TTLL7: variants seen among roughly 807,000 people sequenced by gnomAD.
The protein encoded by TTLL7 is tubulin polyglutamylase TTLL7.
In TTLL7, 53 loss-of-function variants were observed where a neutral mutation model predicts 120.2. The ratio of observed to expected loss-of-function variants is 0.44; its 90% CI spans 0.35 to 0.55. The LOEUF (loss-of-function observed/expected upper bound fraction) is 0.55, where lower values mean the gene tolerates loss of function less well. Among genes scored for constraint, TTLL7 ranks in the 20% least tolerant of loss-of-function variants. TTLL7 has a pLI of 0.00. For synonymous variants in TTLL7, 353 were observed against 351.7 expected, an observed-to-expected ratio of 1.00 and a Z score of -0.04; for missense variants, 803 against 1,054.7, an observed-to-expected ratio of 0.76 and a Z score of 3.31.
intron 16 of TTLL7, chr1:83,906,664 C>T: frequency 1.6e-6 from 1 of 618,128 alleles, no homozygotes; most frequent in Non-Finnish European, 2.7e-6. Flanking sequence ...CACACTTCCA[C>T]AAGGTTATAC....
chr1:83,938,053 G>T, intron 7 of TTLL7, 37 bp from the exon 8 acceptor site: 1 of 1,606,320 alleles, frequency 6.2e-7, no homozygotes, highest in South Asian at 1.1e-5. Flanking sequence ...TACCACCTAT[G>T]ACATCCTAGA....
Position 83,951,981 on chromosome 1 carries a change from A to C in TTLL7, c.26-5T>G. 1 of 1,597,876 alleles carries C rather than the reference A, an allele frequency of 6.3e-7. No individual in the cohort carries two copies. Among genetic ancestry groups the C allele is most frequent in the East Asian group, 2.2e-5 (1 of 44,676 alleles). ...GGGGAGAGGGTCCCTGAATAACTTT[A>C]AAAAAATGTAAAATAATCAGATAAC... On this transcript the variant is annotated splice_polypyrimidine_tract_variant and splice_region_variant and intron_variant, in intron 2 of 20. Coordinates refer to ENST00000260505, the MANE Select transcript of TTLL7 (RefSeq NM_024686.6).
intron 1 of TTLL7, among the ~76,000 whole-genome samples, chr1:83,998,416 G>C (rs1315942222): frequency 2.6e-5 from 4 of 152,128 alleles, no homozygotes; most frequent in Non-Finnish European, 5.9e-5. Flanking sequence ...TGATATAAGT[G>C]GATGATGGCA....
At chr1:83,968,754 G>A (rs1650712014) in intron 1 of TTLL7, among the ~76,000 whole-genome samples, 2 of 151,978 alleles carry the variant, frequency 1.3e-5, no homozygotes, top group South Asian at 4.1e-4. Flanking sequence ...ATCTAAATCT[G>A]TATTATTGTC....
chr1:83,960,081 A>C (rs1649884496), intron 1 of TTLL7, among the ~76,000 whole-genome samples: 1 of 152,186 alleles, frequency 6.6e-6, no homozygotes, highest in South Asian at 2.1e-4. Flanking sequence ...ATAAAGAATA[A>C]ATACGCAATT....
intron 8 of TTLL7, 131 bp downstream of exon 8, chr1:83,937,721 T>G: frequency 9.9e-7 from 1 of 1,012,432 alleles, no homozygotes; most frequent in Non-Finnish European, 1.5e-6. Context: ...TGATCTGATT[T>G]TTTTCTCTCT....
intron 1 of TTLL7, among the ~76,000 whole-genome samples, chr1:83,982,008 A>G (rs546202589): frequency 3.9e-5 from 6 of 152,306 alleles, no homozygotes; most frequent in African/African-American, 1.4e-4. Context: ...GTGCCCATAC[A>G]GCACTCACCA....
chr1:83,895,685 C>T (rs1251518283), intron 18 of TTLL7, among the ~76,000 whole-genome samples: 1 of 152,056 alleles, frequency 6.6e-6, no homozygotes, highest in Non-Finnish European at 1.5e-5. Flanking sequence ...AACTCAGGCA[C>T]AAAGCAGATA....
In TTLL7 at chr1:83,907,625, A is replaced by T; in HGVS notation, c.1823T>A (p.Ile608Asn). 5.0e-6 allele frequency: 8 copies of T among 1,613,160 alleles called. No individual in the cohort carries two copies. The highest frequency in any genetic ancestry group is 6.8e-6 in the Non-Finnish European group (8 of 1,179,478). Residue 608 changes from isoleucine (I) to asparagine (N), a missense_variant, in exon 16 of 21, where the codon ATC becomes AAC. By Grantham distance (149) the Ile-to-Asn change is moderately radical. This residue lies in a region of TTLL7 where 388 missense variants were observed against 450.4 expected (regional missense o/e 0.86). Transcript: ENST00000260505. ...CCCACTGGAAGGTGATTGAGCAGAG[A>T]TGGACCGAGGGCAGCTGACTGAACG... is the stretch of plus-strand genomic sequence containing the variant. ...IRRSVSCPRS[I>N]SAQSPSSGDT...
At chr1:83,892,400 A>G (rs1480312845) in intron 18 of TTLL7, among the ~76,000 whole-genome samples, 1 of 135,496 alleles carries the variant, frequency 7.4e-6, no homozygotes, top group Non-Finnish European at 1.6e-5. Flanking sequence ...ACGAATATAT[A>G]TGAACATATA....
rs1428807389 is a variant in TTLL7, at chr1:83,982,405, CTT to C, written c.-177+16524_-177+16525del. On this transcript the variant is annotated intron_variant, in intron 1 of 20. Coordinates refer to ENST00000260505, the MANE Select transcript of TTLL7 (RefSeq NM_024686.6). ...AAATCCAAAGTAGACAGAAAAAAAACTTATATAAATATAAGAAATCAATGAAA... is the reference window on the plus strand; with the variant it reads ...AAATCCAAAGTAGACAGAAAAAAAACATATAAATATAAGAAATCAATGAAA... Among the ~76,000 whole-genome samples, 3 of 151,776 alleles carry C rather than the reference CTT, an allele frequency of 2.0e-5. No homozygotes were observed. The East Asian group carries it at 5.8e-4, about 29-fold the overall frequency.
In TTLL7 at chr1:83,933,781, T is replaced by C. The variant is rs1361631793; in HGVS notation, c.889-15A>G. On this transcript the variant is annotated splice_polypyrimidine_tract_variant and intron_variant, in intron 8 of 20. Transcript: ENST00000260505. ...ACCACCAATTCCTATAAGATTGTGATAAAAGAAGTGAAAATGCCTTTGTAT... is the reference window on the plus strand; with the variant it reads ...ACCACCAATTCCTATAAGATTGTGACAAAAGAAGTGAAAATGCCTTTGTAT... 2 of 1,592,592 alleles carry C rather than the reference T, an allele frequency of 1.3e-6. No homozygotes were observed. Among genetic ancestry groups the C allele is most frequent in the African/African-American group, 1.4e-5 (1 of 73,738 alleles).
At chr1:83,935,678 T>C (rs1647315658) in intron 8 of TTLL7, among the ~76,000 whole-genome samples, 1 of 152,130 alleles carries the variant, frequency 6.6e-6, no homozygotes, top group Admixed American at 6.6e-5. Context: ...ATATTGATAG[T>C]TACCTTTTAG....
At chr1:83,879,693 T>C (rs1654273154) in intron 20 of TTLL7, among the ~76,000 whole-genome samples, 1 of 152,008 alleles carries the variant, frequency 6.6e-6, no homozygotes, top group Non-Finnish European at 1.5e-5. Flanking sequence ...TGTCTGACTC[T>C]AGTATTTCTC....
intron 1 of TTLL7, among the ~76,000 whole-genome samples, chr1:83,977,417 A>G (rs1270272819): frequency 1.3e-5 from 2 of 152,072 alleles, no homozygotes; most frequent in Non-Finnish European, 2.9e-5. Context: ...TTACAAGTTT[A>G]TGCAATCTTA....
At chr1:83,932,301 A>G (rs1227276474) in intron 9 of TTLL7, among the ~76,000 whole-genome samples, 1 of 152,218 alleles carries the variant, frequency 6.6e-6, no homozygotes, top group Non-Finnish European at 1.5e-5. Flanking sequence ...AATATAGCTA[A>G]GAACAGGAAA....
intron 6 of TTLL7, chr1:83,946,415 A>G (rs1648512480): frequency 6.6e-6 from 1 of 152,222 alleles, no homozygotes; most frequent in African/African-American, 2.4e-5. Flanking sequence ...GCAGAAAACT[A>G]ACATAAGTAA....
chr1:83,964,341 G>A (rs1350496271), intron 1 of TTLL7, among the ~76,000 whole-genome samples: 2 of 152,072 alleles, frequency 1.3e-5, no homozygotes, highest in Non-Finnish European at 2.9e-5. Flanking sequence ...TAGAATTGGT[G>A]CCTGAAGTTA....
intron 18 of TTLL7, among the ~76,000 whole-genome samples, chr1:83,891,162 C>A (rs958538822): frequency 6.6e-6 from 1 of 151,584 alleles, no homozygotes; most frequent in South Asian, 2.1e-4. Flanking sequence ...ATTAAATATA[C>A]CTTAAGGAAA....
Sources: allele counts gnomAD v4.1 joint callset (sites outside exome capture counted in the v4.1 genomes callset), GRCh38; gene constraint gnomAD v4.1.1; regional missense constraint gnomAD v4.1.1; transcripts MANE v1.5; gene names NCBI Gene and HGNC (gene_info 2026-07-23, HGNC 2026-07-21).